Variants in LDB2 observed in about 807,000 individuals in gnomAD.
LDB2 encodes LIM domain-binding protein 2.
Under a neutral mutation model 44.3 loss-of-function variants are expected in LDB2, and 12 were observed. The observed-to-expected ratio is 0.27, with a 90% CI of 0.17 to 0.44. The LOEUF is 0.44. LDB2 is among the 20% of genes least tolerant of loss of function. LDB2 has a pLI of 1.00. For missense variants in LDB2, 344 were observed against 473.5 expected, an observed-to-expected ratio of 0.73 and a Z score of 2.54; for synonymous variants, 164 against 174.8, an observed-to-expected ratio of 0.94 and a Z score of 0.49.
At chr4:16,655,010 C>T (rs985016684) in intron 2 of LDB2, among the ~76,000 whole-genome samples, 3 of 152,064 alleles carry the variant, frequency 2.0e-5, no homozygotes, top group Admixed American at 6.5e-5. Context: ...GGTTTAAGGA[C>T]GTTTTGAAAC....
chr4:16,765,063 A>G (rs540007513), intron 1 of LDB2, among the ~76,000 whole-genome samples: 1 of 152,350 alleles, frequency 6.6e-6, no homozygotes, highest in South Asian at 2.1e-4. Context: ...TGGGACTTCC[A>G]AGTAAATGGT....
chr4:16,526,726 C>T (rs1464608379), intron 5 of LDB2, among the ~76,000 whole-genome samples: 2 of 152,180 alleles, frequency 1.3e-5, no homozygotes, highest in Non-Finnish European at 2.9e-5. Context: ...GGAATGTGTA[C>T]ACCTCTAGAA....
chr4:16,793,301 A>T (rs1039933176), intron 1 of LDB2, among the ~76,000 whole-genome samples: 2 of 152,100 alleles, frequency 1.3e-5, no homozygotes, highest in African/African-American at 4.8e-5. Flanking sequence ...GCATCAAAGC[A>T]CCCTCTAACC....
At chr4:16,698,263 C>A (rs1752652033) in intron 2 of LDB2, among the ~76,000 whole-genome samples, 1 of 152,158 alleles carries the variant, frequency 6.6e-6, no homozygotes, top group African/African-American at 2.4e-5. Flanking sequence ...ACACTCAATA[C>A]TGCATTAGTA....
intron 2 of LDB2, among the ~76,000 whole-genome samples, chr4:16,633,569 C>G (rs1373015144): frequency 6.6e-6 from 1 of 152,048 alleles, no homozygotes; most frequent in Admixed American, 6.5e-5. Context: ...TGTGAAGGAC[C>G]TCTTCAAGGA....
At chr4:16,893,212 C>T (rs1293244320) in intron 1 of LDB2, 2 of 195,952 alleles carry the variant, frequency 1.0e-5, no homozygotes, top group East Asian at 1.9e-4. Flanking sequence ...CCCCACCTCA[C>T]CAACCCTCTT....
intron 2 of LDB2, among the ~76,000 whole-genome samples, chr4:16,674,483 A>T (rs1745734321): frequency 6.6e-6 from 1 of 152,148 alleles, no homozygotes; most frequent in Admixed American, 6.5e-5. Flanking sequence ...TATAGGGTGG[A>T]TGCCTCCATG....
intron 2 of LDB2, among the ~76,000 whole-genome samples, chr4:16,608,472 T>G (rs1724581437): frequency 6.6e-6 from 1 of 152,142 alleles, no homozygotes; most frequent in Admixed American, 6.5e-5. Context: ...GTCTGAAACA[T>G]TGCCTGGGCA....
chr4:16,579,589 A>C (rs1195654456), intron 5 of LDB2, among the ~76,000 whole-genome samples: 1 of 152,096 alleles, frequency 6.6e-6, no homozygotes, highest in Non-Finnish European at 1.5e-5. Context: ...CACCCTAGAG[A>C]GATGTGAGGG....
At chr4:16,625,519 T>C (rs1730045966) in intron 2 of LDB2, among the ~76,000 whole-genome samples, 2 of 152,150 alleles carry the variant, frequency 1.3e-5, no homozygotes, top group South Asian at 4.2e-4. Flanking sequence ...AGGGATGGAG[T>C]AGCCTTGATA....
intron 1 of LDB2, among the ~76,000 whole-genome samples, chr4:16,891,600 C>T (rs774607957): frequency 1.3e-5 from 2 of 152,048 alleles, no homozygotes; most frequent in South Asian, 4.1e-4. Context: ...CTTGAGCCAC[C>T]GTGCCCGAAC....
At chr4:16,616,253 C>T (rs1208320351) in intron 2 of LDB2, among the ~76,000 whole-genome samples, 1 of 152,070 alleles carries the variant, frequency 6.6e-6, no homozygotes, top group Non-Finnish European at 1.5e-5. Flanking sequence ...CTGAATTTTG[C>T]ACTGGCACAT....
chr4:16,616,681 G>C (rs1727428573), intron 2 of LDB2, among the ~76,000 whole-genome samples: 1 of 22,764 alleles, frequency 4.4e-5, no homozygotes, highest in Admixed American at 6.0e-4. Context: ...CTGCATTTGG[G>C]GTCTGGAGAC....
chr4:16,744,346 AG>A (rs34211769), intron 2 of LDB2, among the ~76,000 whole-genome samples: 12,296 of 151,126 alleles, frequency 0.081, 756 homozygotes, highest in East Asian at 0.39. Context: ...TAGTGGAAAC[AG>A]GGTTTCACCA....
intron 1 of LDB2, among the ~76,000 whole-genome samples, chr4:16,813,814 G>A (rs887303387): frequency 3.3e-5 from 5 of 151,746 alleles, no homozygotes; most frequent in African/African-American, 9.7e-5. Flanking sequence ...TGTTTTGTTC[G>A]TTTGGGCTTT....
At chr4:16,808,716 C>T (rs1480464650) in intron 1 of LDB2, among the ~76,000 whole-genome samples, 2 of 152,146 alleles carry the variant, frequency 1.3e-5, no homozygotes, top group African/African-American at 2.4e-5. Context: ...GAAAGAAAAC[C>T]TGTCCAAGTT....
intron 2 of LDB2, among the ~76,000 whole-genome samples, chr4:16,748,084 G>C (rs1764734748): frequency 6.6e-6 from 1 of 152,176 alleles, no homozygotes; most frequent in East Asian, 1.9e-4. Flanking sequence ...TGATGTGTAA[G>C]GGAGTAATGG....
intron 1 of LDB2, among the ~76,000 whole-genome samples, chr4:16,888,340 A>G (rs896886836): frequency 5.3e-5 from 8 of 152,224 alleles, no homozygotes; most frequent in Non-Finnish European, 8.8e-5. Flanking sequence ...CTTTTTCCCA[A>G]CAAAACGGAG....
chr4:16,534,579 G>C (rs947678754), intron 5 of LDB2, among the ~76,000 whole-genome samples: 4 of 152,164 alleles, frequency 2.6e-5, no homozygotes, highest in African/African-American at 9.7e-5. Context: ...TAGCTTAAAA[G>C]GGCTTCTGCT....
Sources: allele counts gnomAD v4.1 joint callset (sites outside exome capture counted in the v4.1 genomes callset), GRCh38; gene constraint gnomAD v4.1.1; transcripts MANE v1.5; gene names NCBI Gene and HGNC (gene_info 2026-07-23, HGNC 2026-07-21).